Variants in EFNA5 observed in about 807,000 individuals in gnomAD.
EFNA5 encodes ephrin A5, also known as ephrin-A5.
A neutral mutation model predicts 22.9 loss-of-function variants in EFNA5; 5 were observed. The ratio of observed to expected loss-of-function variants is 0.22; its 90% CI spans 0.11 to 0.46. The LOEUF (loss-of-function observed/expected upper bound fraction) is 0.46, where lower values mean the gene tolerates loss of function less well. EFNA5 is among the 20% of genes least tolerant of loss of function. EFNA5 has a pLI of 0.99. For synonymous variants in EFNA5, 113 were observed against 112.2 expected (o/e 1.01, Z -0.04); for missense variants, 237 against 293.3 (o/e 0.81, Z 1.40).
chr5:107,491,530 G>A (rs111783585), intron 1 of EFNA5, among the ~76,000 whole-genome samples: 11,694 of 152,074 alleles, frequency 0.077, 466 homozygotes, highest in East Asian at 0.17. Flanking sequence ...AAGCTGGTCC[G>A]GAACTCCTAA....
intron 2 of EFNA5, among the ~76,000 whole-genome samples, chr5:107,421,414 T>C (rs1382514799): frequency 1.3e-5 from 2 of 152,206 alleles, no homozygotes; most frequent in African/African-American, 4.8e-5. Context: ...TACTAATTCC[T>C]GAATCAAGTG....
intron 1 of EFNA5, among the ~76,000 whole-genome samples, chr5:107,524,768 G>C (rs561353474): frequency 6.6e-5 from 10 of 152,220 alleles, no homozygotes; most frequent in African/African-American, 2.2e-4. Flanking sequence ...AGTGCAGAAG[G>C]GATGTCCTTT....
chr5:107,598,768 C>T (rs1303039462), intron 1 of EFNA5, among the ~76,000 whole-genome samples: 8 of 152,148 alleles, frequency 5.3e-5, no homozygotes, highest in Admixed American at 5.2e-4. Context: ...CTCAATACAA[C>T]ATTTTTTCAT....
At chr5:107,634,130 C>T (rs567690051) in intron 1 of EFNA5, among the ~76,000 whole-genome samples, 27 of 152,218 alleles carry the variant, frequency 1.8e-4, no homozygotes, top group South Asian at 1.0e-3. Flanking sequence ...TAGAGGTGAC[C>T]GGTCTAACCC....
chr5:107,537,478 A>T (rs1166675547), intron 1 of EFNA5, among the ~76,000 whole-genome samples: 1 of 152,160 alleles, frequency 6.6e-6, no homozygotes, highest in African/African-American at 2.4e-5. Context: ...GGCTGCCTGT[A>T]ATCCCAGCTA....
intron 1 of EFNA5, among the ~76,000 whole-genome samples, chr5:107,478,781 T>A (rs1219955704): frequency 1.3e-5 from 2 of 152,170 alleles, no homozygotes. Context: ...TGTAAAATGA[T>A]TATTTTCATG....
At chr5:107,382,843 T>C (rs1747506744) in intron 4 of EFNA5, among the ~76,000 whole-genome samples, 1 of 152,180 alleles carries the variant, frequency 6.6e-6, no homozygotes, top group Non-Finnish European at 1.5e-5. Context: ...GTGGTTGTTC[T>C]CAATTATACT....
intron 2 of EFNA5, among the ~76,000 whole-genome samples, chr5:107,397,170 C>A (rs1044095965): frequency 3.3e-5 from 5 of 152,022 alleles, no homozygotes; most frequent in African/African-American, 1.2e-4. Flanking sequence ...GGAGGATCAC[C>A]TGAGCCCAGG....
chr5:107,452,406 TAGTC>T (rs1007560906), intron 1 of EFNA5, among the ~76,000 whole-genome samples: 14 of 152,116 alleles, frequency 9.2e-5, no homozygotes, highest in Non-Finnish European at 1.5e-4. Flanking sequence ...TTTCACTTAA[TAGTC>T]AGCACTATGA....
intron 1 of EFNA5, among the ~76,000 whole-genome samples, chr5:107,562,030 C>G (rs1580531602): frequency 6.6e-6 from 1 of 152,180 alleles, no homozygotes; most frequent in Non-Finnish European, 1.5e-5. Flanking sequence ...CAGTTGAGGT[C>G]AGGCTGACCA....
intron 1 of EFNA5, among the ~76,000 whole-genome samples, chr5:107,639,432 C>T (rs1438438575): frequency 6.6e-6 from 1 of 152,228 alleles, no homozygotes; most frequent in Non-Finnish European, 1.5e-5. Flanking sequence ...CCAATAATCT[C>T]TCAATGCCTT....
At chr5:107,458,387 T>C (rs752594874) in intron 1 of EFNA5, among the ~76,000 whole-genome samples, 1 of 151,984 alleles carries the variant, frequency 6.6e-6, no homozygotes, top group African/African-American at 2.4e-5. Flanking sequence ...TGTAATTACA[T>C]TTTGAGATGT....
intron 1 of EFNA5, among the ~76,000 whole-genome samples, chr5:107,536,677 G>A (rs918025425): frequency 2.6e-5 from 4 of 152,146 alleles, no homozygotes; most frequent in Non-Finnish European, 5.9e-5. Context: ...GGAGCTCAAA[G>A]TCTTGCAATC....
rs189621410 is a variant in EFNA5, at chr5:107,621,145, T to C, written c.125+49344A>G. Among the ~76,000 whole-genome samples the C allele has an allele frequency of 5.3e-5, 8 of 152,362 alleles. No individual in the cohort carries two copies. The East Asian group carries it at 1.5e-3, about 29-fold the overall frequency. ...AAGAAAGATGTGATCATATTCACAC[T>C]TCTGAAAGGCAACTGTGGCAGACAG... is the stretch of plus-strand genomic sequence containing the variant. On this transcript the variant is annotated intron_variant, in intron 1 of 4. Coordinates refer to ENST00000333274, the MANE Select transcript of EFNA5 (RefSeq NM_001962.3).
chr5:107,432,755 G>A (rs1358188865), intron 1 of EFNA5, among the ~76,000 whole-genome samples: 2 of 152,042 alleles, frequency 1.3e-5, no homozygotes, highest in African/African-American at 2.4e-5. Context: ...GGCCACTTAG[G>A]TCAATGTTCT....
At chr5:107,412,165 G>A (rs1379831149) in intron 2 of EFNA5, among the ~76,000 whole-genome samples, 3 of 152,092 alleles carry the variant, frequency 2.0e-5, no homozygotes, top group African/African-American at 7.2e-5. Flanking sequence ...AACTTTGGGC[G>A]ACTTATTGAT....
At chr5:107,545,809 T>C (rs758241864) in intron 1 of EFNA5, among the ~76,000 whole-genome samples, 60 of 152,304 alleles carry the variant, frequency 3.9e-4, no homozygotes, top group Non-Finnish European at 7.5e-4. Flanking sequence ...CAAAAGCAAC[T>C]CAAACTTTTG....
chr5:107,535,820 T>C (rs163759), intron 1 of EFNA5, among the ~76,000 whole-genome samples: 10,079 of 152,268 alleles, frequency 0.066, 1,114 homozygotes, highest in African/African-American at 0.23. Context: ...CCAGTTAATA[T>C]TGATGGAACA....
chr5:107,663,467 T>C (rs1751007548), intron 1 of EFNA5, among the ~76,000 whole-genome samples: 1 of 152,146 alleles, frequency 6.6e-6, no homozygotes, highest in Admixed American at 6.6e-5. Context: ...TGCTAACATA[T>C]ATGACTGTCC....
Sources: gnomAD v4.1 joint callset for allele counts (sites outside exome capture counted in the v4.1 genomes callset) on GRCh38, gnomAD v4.1.1 for gene constraint, MANE v1.5 for transcripts, NCBI Gene and HGNC (gene_info 2026-07-23, HGNC 2026-07-21) for gene names.